The following MYH11 variants were observed in gnomAD, a reference collection of about 807,000 sequenced individuals.
The protein encoded by MYH11 is myosin heavy chain 11.
A neutral mutation model predicts 246.6 loss-of-function variants in MYH11; 80 were observed. That is an observed-to-expected ratio of 0.32 (90% CI 0.27 to 0.39). The LOEUF (loss-of-function observed/expected upper bound fraction) is 0.39, where lower values mean the gene tolerates loss of function less well. MYH11 is among the 10% of genes least tolerant of loss of function. The pLI is 1.00. For missense variants in MYH11, 2,158 were observed against 2,546.8 expected (o/e 0.85, Z 3.29); for synonymous variants, 1,071 against 1,015.5 (o/e 1.05, Z -1.04).
chr16:15,763,008 G>A (rs1297367452), intron 10 of MYH11, among the ~76,000 whole-genome samples: 1 of 152,138 alleles, frequency 6.6e-6, no homozygotes, highest in Non-Finnish European at 1.5e-5. Context: ...ACAAAATACT[G>A]TTTATTTGTG....
At chr16:15,783,708 G>C (rs765705446) in intron 5 of MYH11, among the ~76,000 whole-genome samples, 1 of 152,150 alleles carries the variant, frequency 6.6e-6, no homozygotes, top group African/African-American at 2.4e-5. Context: ...TCTGAAAAAG[G>C]CTCCCTTTCT....
At chr16:15,793,032 G>A (rs2042651016) in intron 4 of MYH11, among the ~76,000 whole-genome samples, 1 of 152,138 alleles carries the variant, frequency 6.6e-6, no homozygotes. Context: ...ACCATGCCCA[G>A]CCTGTCATCC....
At chr16:15,821,209 C>A (rs1375888443) in intron 3 of MYH11, among the ~76,000 whole-genome samples, 1 of 152,062 alleles carries the variant, frequency 6.6e-6, no homozygotes, top group Non-Finnish European at 1.5e-5. Context: ...AATATTTTGC[C>A]CACTCTCTTT....
At chr16:15,855,533 C>G (rs2151402501) in intron 1 of MYH11, among the ~76,000 whole-genome samples, 1 of 152,308 alleles carries the variant, frequency 6.6e-6, no homozygotes, top group East Asian at 1.9e-4. Context: ...CCTCTCTGAG[C>G]CTCAGCTGCC....
At chr16:15,725,352 G>C (rs569742251) in intron 28 of MYH11, 7 of 559,898 alleles carry the variant, frequency 1.3e-5, no homozygotes, top group Non-Finnish European at 2.2e-5. Flanking sequence ...GAGTCCAGAC[G>C]AGGTGCTCTG....
chr16:15,835,398 C>G (rs1043166707), intron 2 of MYH11, among the ~76,000 whole-genome samples: 1 of 152,190 alleles, frequency 6.6e-6, no homozygotes, highest in Admixed American at 6.5e-5. Flanking sequence ...TGGTTAAGGA[C>G]TAATTTTTCT....
intron 27 of MYH11, among the ~76,000 whole-genome samples, chr16:15,729,508 A>G (rs912052124): frequency 2.7e-5 from 4 of 150,350 alleles, no homozygotes; most frequent in Non-Finnish European, 4.4e-5. Context: ...AAGCATGGGG[A>G]GGGTCAGTGA....
intron 5 of MYH11, chr16:15,786,427 G>A: frequency 1.3e-6 from 1 of 766,342 alleles, no homozygotes; most frequent in Non-Finnish European, 2.4e-6. Context: ...CCTTCTGGAG[G>A]GATGCTTCTA....
At chr16:15,777,297 T>C (rs887951563) in intron 7 of MYH11, among the ~76,000 whole-genome samples, 1 of 152,118 alleles carries the variant, frequency 6.6e-6, no homozygotes, top group South Asian at 2.1e-4. Context: ...AATTTTTGTA[T>C]TTTTAGTAGA....
At chr16:15,789,490 A>C (rs1481758358) in intron 4 of MYH11, among the ~76,000 whole-genome samples, 2 of 152,178 alleles carry the variant, frequency 1.3e-5, no homozygotes, top group Non-Finnish European at 2.9e-5. Flanking sequence ...CACAGATAGG[A>C]AATGGAGGAG....
At chr16:15,800,597 TTGGATGGATGGATGGATGGA>T (rs138132973) in intron 3 of MYH11, among the ~76,000 whole-genome samples, 3 of 143,074 alleles carry the variant, frequency 2.1e-5, no homozygotes, top group Admixed American at 7.0e-5. Context: ...GGTAAATGAG[TTGGATGGATGGATGGATGGA>T]TGGATGGATG....
intron 2 of MYH11, among the ~76,000 whole-genome samples, chr16:15,831,082 G>A (rs1257174639): frequency 6.6e-6 from 1 of 152,176 alleles, no homozygotes; most frequent in Non-Finnish European, 1.5e-5. Flanking sequence ...TGAGGGAGGA[G>A]AATTGCTTGA....
At chr16:15,729,070 TCCTC>T (rs1173609918) in intron 27 of MYH11, among the ~76,000 whole-genome samples, 1 of 151,302 alleles carries the variant, frequency 6.6e-6, no homozygotes, top group Non-Finnish European at 1.5e-5. Flanking sequence ...TGGATGCCCG[TCCTC>T]CCTCCAAGAC....
intron 5 of MYH11, among the ~76,000 whole-genome samples, chr16:15,784,091 C>T (rs377506677): frequency 1.3e-5 from 2 of 152,098 alleles, no homozygotes; most frequent in African/African-American, 2.4e-5. Flanking sequence ...GGCCTTACCG[C>T]GCCACCAAAG....
At chr16:15,802,637 T>C (rs2042914049) in intron 3 of MYH11, among the ~76,000 whole-genome samples, 1 of 152,132 alleles carries the variant, frequency 6.6e-6, no homozygotes, top group Admixed American at 6.5e-5. Flanking sequence ...TTTGTAGAGA[T>C]TGGGTCTTGC....
chr16:15,756,300 G>A (rs1445936890), intron 14 of MYH11, 41 bp downstream of exon 14: 1 of 1,607,588 alleles, frequency 6.2e-7, no homozygotes, highest in African/African-American at 1.3e-5. Flanking sequence ...AGCCACTGGG[G>A]GTCCCCTGAG....
At chr16:15,733,168 T>C (rs1029954548) in intron 26 of MYH11, among the ~76,000 whole-genome samples, 3 of 152,176 alleles carry the variant, frequency 2.0e-5, no homozygotes, top group Non-Finnish European at 2.9e-5. Flanking sequence ...GTTTTACCCA[T>C]GGTGTCACAG....
At chr16:15,834,504 C>G (rs1275465841) in intron 2 of MYH11, among the ~76,000 whole-genome samples, 1 of 139,764 alleles carries the variant, frequency 7.2e-6, no homozygotes, top group Non-Finnish European at 1.5e-5. Flanking sequence ...CCAGCCTGAG[C>G]AACAAAAGTG....
At chr16:15,845,560 G>A (rs1230351238) in intron 1 of MYH11, among the ~76,000 whole-genome samples, 1 of 152,202 alleles carries the variant, frequency 6.6e-6, no homozygotes, top group East Asian at 1.9e-4. Context: ...AGTCACAGAA[G>A]TGGCTTGATA....
Sources: gnomAD v4.1 joint callset for allele counts (sites outside exome capture counted in the v4.1 genomes callset) on GRCh38, gnomAD v4.1.1 for gene constraint, MANE v1.5 for transcripts, NCBI Gene and HGNC (gene_info 2026-07-23, HGNC 2026-07-21) for gene names.